NDST4: variants seen among roughly 807,000 people sequenced by gnomAD.
NDST4 encodes the protein N-deacetylase and N-sulfotransferase 4.
In NDST4, 63 loss-of-function variants were observed where a neutral mutation model predicts 100.8. The ratio of observed to expected loss-of-function variants is 0.62; its 90% CI spans 0.51 to 0.77. The LOEUF (loss-of-function observed/expected upper bound fraction) is 0.77. Among genes scored for constraint, NDST4 ranks in the 30% least tolerant of loss-of-function variants. The pLI, the probability that NDST4 is intolerant of heterozygous loss-of-function variation, is 0.00. For missense variants in NDST4, 943 were observed against 1,018.4 expected (o/e 0.93, Z 1.01); for synonymous variants, 377 against 361.8 (o/e 1.04, Z -0.48).
At chr4:114,942,454 A>G (rs539172693) in intron 4 of NDST4, among the ~76,000 whole-genome samples, 18 of 152,256 alleles carry the variant, frequency 1.2e-4, no homozygotes, top group African/African-American at 3.1e-4. Context: ...TATCCTTGAC[A>G]CGAACATCTA....
chr4:114,866,038 C>T (rs1157680950), intron 7 of NDST4, among the ~76,000 whole-genome samples: 4 of 152,130 alleles, frequency 2.6e-5, no homozygotes. Flanking sequence ...TCTGTCCTCT[C>T]TCATCTGTGA....
chr4:114,898,137 G>A (rs1560801541), intron 6 of NDST4, among the ~76,000 whole-genome samples: 1 of 152,112 alleles, frequency 6.6e-6, no homozygotes, highest in Non-Finnish European at 1.5e-5. Flanking sequence ...CATACCCAAG[G>A]TCATCTACGT....
At chr4:114,905,352 G>C (rs1724926275) in intron 6 of NDST4, among the ~76,000 whole-genome samples, 1 of 151,592 alleles carries the variant, frequency 6.6e-6, no homozygotes, top group Non-Finnish European at 1.5e-5. Flanking sequence ...TATGTTAATG[G>C]GGATTTCTTA....
chr4:115,092,471 G>A (rs1331691293), intron 1 of NDST4, among the ~76,000 whole-genome samples: 1 of 117,322 alleles, frequency 8.5e-6, no homozygotes, highest in East Asian at 2.2e-4. Flanking sequence ...ATGATAAAAT[G>A]TCAGTTAGTC....
Position 115,109,328 on chromosome 4 carries a change from A to G in NDST4, c.-247+4116T>C, listed in dbSNP as rs539580724. Among the ~76,000 whole-genome samples, 8 of 152,070 alleles carry G rather than the reference A, an allele frequency of 5.3e-5. No individual in the cohort carries two copies. In the East Asian group the frequency reaches 1.6e-3, roughly 30 times the overall value. ...TAAGGACTTTTTAAAAGGAGGCTAA[A>G]TATTTGAAATAAATCACAACATAAG... On this transcript the variant is annotated intron_variant, in intron 1 of 13. Transcript: ENST00000264363.
chr4:114,879,939 C>T (rs1441928395), intron 6 of NDST4, among the ~76,000 whole-genome samples: 1 of 152,132 alleles, frequency 6.6e-6, no homozygotes, highest in Admixed American at 6.6e-5. Context: ...TGATTATTTA[C>T]CAGTGTCCCA....
chr4:114,934,588 A>C (rs1466549862), intron 6 of NDST4, among the ~76,000 whole-genome samples: 1 of 151,374 alleles, frequency 6.6e-6, no homozygotes, highest in South Asian at 2.1e-4. Context: ...TAAAAAAAAT[A>C]AAAATAAAAA....
At chr4:114,917,488 C>A (rs1295390664) in intron 6 of NDST4, among the ~76,000 whole-genome samples, 2 of 152,030 alleles carry the variant, frequency 1.3e-5, no homozygotes, top group Non-Finnish European at 2.9e-5. Flanking sequence ...ATGTACTGAT[C>A]AAACAATAGG....
intron 6 of NDST4, among the ~76,000 whole-genome samples, chr4:114,913,224 AT>A (rs1446699612): frequency 2.0e-5 from 3 of 152,066 alleles, no homozygotes; most frequent in African/African-American, 7.2e-5. Context: ...TGTGATGTTA[AT>A]TCCTCTTTAT....
At chr4:115,087,838 T>A (rs1360320268) in intron 1 of NDST4, among the ~76,000 whole-genome samples, 1 of 151,950 alleles carries the variant, frequency 6.6e-6, no homozygotes, top group Non-Finnish European at 1.5e-5. Flanking sequence ...AACTGCTTTT[T>A]TTCTTAACAA....
intron 1 of NDST4, among the ~76,000 whole-genome samples, chr4:115,080,023 A>C (rs2126291087): frequency 6.6e-6 from 1 of 152,330 alleles, no homozygotes; most frequent in African/African-American, 2.4e-5. Flanking sequence ...TTTCACTGTG[A>C]AACATATTGT....
chr4:114,909,387 G>A (rs971514417), intron 6 of NDST4, among the ~76,000 whole-genome samples: 1 of 152,040 alleles, frequency 6.6e-6, no homozygotes, highest in Non-Finnish European at 1.5e-5. Context: ...TTGGCCGGGC[G>A]CGGTGGCTCA....
At position 114,884,803 on chromosome 4, in the gene NDST4, T is replaced by A. The variant is rs779464597; in HGVS notation, c.1537-13853A>T. On this transcript the variant is annotated intron_variant, in intron 6 of 13. Coordinates refer to ENST00000264363, the MANE Select transcript of NDST4 (RefSeq NM_022569.3). ...GAAGCATGTTAGAATAAATCATTTT[T>A]TGAAATATCGTGATTGACACTATCA... Among the ~76,000 whole-genome samples the A allele has an allele frequency of 9.6e-4, 146 of 152,266 alleles. 1 individual carries two copies. Among genetic ancestry groups the A allele is most frequent in the Non-Finnish European group, 2.9e-4 (20 of 68,004 alleles).
chr4:115,059,163 A>C (rs1196164505), intron 2 of NDST4, among the ~76,000 whole-genome samples: 1 of 152,078 alleles, frequency 6.6e-6, no homozygotes, highest in South Asian at 2.1e-4. Context: ...AAAACAAAGC[A>C]ATCAACTGAA....
At chr4:115,045,036 A>G (rs1728435851) in intron 2 of NDST4, among the ~76,000 whole-genome samples, 1 of 151,980 alleles carries the variant, frequency 6.6e-6, no homozygotes, top group Non-Finnish European at 1.5e-5. Flanking sequence ...ATTTTATTAA[A>G]AATCTGATAG....
chr4:115,007,154 A>G (rs1192705682), intron 2 of NDST4, among the ~76,000 whole-genome samples: 1 of 152,174 alleles, frequency 6.6e-6, no homozygotes, highest in Non-Finnish European at 1.5e-5. Context: ...GACACTGCTA[A>G]TAACACTACA....
At chr4:114,978,163 C>G (rs1261695956) in intron 2 of NDST4, among the ~76,000 whole-genome samples, 1 of 151,910 alleles carries the variant, frequency 6.6e-6, no homozygotes, top group African/African-American at 2.4e-5. Flanking sequence ...AGAGGACATA[C>G]TTTGTTCTGA....
At chr4:115,074,147 G>A (rs1268611639) in intron 2 of NDST4, among the ~76,000 whole-genome samples, 6 of 151,796 alleles carry the variant, frequency 4.0e-5, no homozygotes, top group Admixed American at 3.9e-4. Context: ...CTCTCTCCAT[G>A]TGTGACATTG....
At chr4:115,010,317 A>C (rs1421415061) in intron 2 of NDST4, among the ~76,000 whole-genome samples, 1 of 127,744 alleles carries the variant, frequency 7.8e-6, no homozygotes, top group Non-Finnish European at 1.7e-5. Context: ...CTGGATTAAG[A>C]AAATGTGGCA....
Sources: allele counts gnomAD v4.1 joint callset (sites outside exome capture counted in the v4.1 genomes callset), GRCh38; gene constraint gnomAD v4.1.1; transcripts MANE v1.5; gene names NCBI Gene and HGNC (gene_info 2026-07-23, HGNC 2026-07-21).